SERAC1: variants seen among roughly 807,000 people sequenced by gnomAD.
The protein encoded by SERAC1 is serine active site containing 1.
A neutral mutation model predicts 85.7 loss-of-function variants in SERAC1; 36 were observed. That is an observed-to-expected ratio of 0.42 (90% CI 0.32 to 0.55). The LOEUF (loss-of-function observed/expected upper bound fraction) is 0.55. Ranked by LOEUF, SERAC1 falls within the 20% of genes least tolerant of loss-of-function variation. SERAC1 has a pLI of 0.11. For synonymous variants in SERAC1, 242 were observed against 265.3 expected, an observed-to-expected ratio of 0.91 and a Z score of 0.85; for missense variants, 629 against 796.2, an observed-to-expected ratio of 0.79 and a Z score of 2.53.
At chr6:158,142,481 CTT>C (rs797011235) in intron 8 of SERAC1, among the ~76,000 whole-genome samples, 12 of 139,234 alleles carry the variant, frequency 8.6e-5, no homozygotes, top group Non-Finnish European at 6.3e-5. Flanking sequence ...CCTATTCATT[CTT>C]TTTTTTTTTT....
intron 14 of SERAC1, 137 bp from the exon 15 acceptor site, chr6:158,115,108 C>A: frequency 1.1e-6 from 1 of 882,654 alleles, no homozygotes; most frequent in East Asian, 2.5e-5. Flanking sequence ...AAACAATTCT[C>A]TGTACAGTAG....
intron 3 of SERAC1, among the ~76,000 whole-genome samples, chr6:158,153,335 C>A (rs1785250457): frequency 6.6e-6 from 1 of 152,180 alleles, no homozygotes; most frequent in Non-Finnish European, 1.5e-5. Flanking sequence ...CATGGATATA[C>A]TACAACTTAC....
Position 158,117,572 on chromosome 6 carries a change from CCTT to C in SERAC1, c.1403+152_1403+154del. 1.3e-6 allele frequency: 2 copies of C among 1,551,596 alleles called. No homozygotes were observed. The highest frequency in any genetic ancestry group is 2.4e-5 in the East Asian group (1 of 40,966). On this transcript the variant is annotated intron_variant, in intron 13 of 16. Transcript: ENST00000647468. The surrounding 1 kb of genome is among the most constrained non-coding windows in gnomAD (Gnocchi z 4.3). ...TTCCACTGCTTATTGACAGCAAACT[CCTT>C]CTAGAAGGAAGACAAAAAAGATTAG...
chr6:158,158,122 T>C, intron 2 of SERAC1, 151 bp downstream of exon 2: 2 of 509,308 alleles, frequency 3.9e-6, no homozygotes, highest in Non-Finnish European at 7.0e-6. Context: ...TCTGGGCCTA[T>C]AAATTTGGGG....
rs1236118627 is a variant in SERAC1, at chr6:158,110,709, T to C, written c.*657A>G. ...CCTTATCTAGGACAAATTCCAAGCA[T>C]AGGCAGCTACAGTCTGAAAAGAATT... is the stretch of plus-strand genomic sequence containing the variant. On this transcript the variant is annotated 3_prime_UTR_variant, in exon 17 of 17. Transcript: ENST00000647468. The C allele has an allele frequency of 6.6e-6, 1 of 152,220 alleles. No individual in the cohort carries two copies. Among genetic ancestry groups the C allele is most frequent in the East Asian group, 1.9e-4 (1 of 5,202 alleles). The allele number at this position is 152,220 out of a possible 1,614,324, so 9.4% of individuals were successfully genotyped here. A position where few individuals can be genotyped will look rare whatever the true frequency, so the allele number is the denominator to read the frequency against.
chr6:158,145,796 T>A (rs920731557), intron 6 of SERAC1: 1 of 152,172 alleles, frequency 6.6e-6, no homozygotes, highest in African/African-American at 2.4e-5. Context: ...GTGCTGGGAT[T>A]ACAGGTGTGA....
At position 158,119,460 on chromosome 6, in the gene SERAC1, T is replaced by C. The variant is rs116554678; in HGVS notation, c.1167-290A>G. Reference sequence around the variant, plus strand: ...GCAATCAATCAACTGACAGATGTCATAGATTACCCTCTAAAGACTTCCATT... The same window carrying C: ...GCAATCAATCAACTGACAGATGTCACAGATTACCCTCTAAAGACTTCCATT... On this transcript the variant is annotated intron_variant, in intron 11 of 16. Coordinates refer to ENST00000647468, the MANE Select transcript of SERAC1 (RefSeq NM_032861.4). The surrounding 1 kb of genome is among the most constrained non-coding windows in gnomAD (Gnocchi z 4.5). Among the ~76,000 whole-genome samples the C allele has an allele frequency of 3.9e-3, 596 of 152,328 alleles. 7 individuals carry two copies. Among genetic ancestry groups the C allele is most frequent in the African/African-American group, 0.014 (571 of 41,576 alleles).
At position 158,119,669 on chromosome 6, in the gene SERAC1, AGTAT is replaced by A. The variant is rs1784375465; in HGVS notation, c.1167-503_1167-500del. ...ATATGACGCATTAAAAACTGTAGATAGTATGTTAGTTGCAAGCTATTTACAGTAC... is the reference window on the plus strand; with the variant it reads ...ATATGACGCATTAAAAACTGTAGATAGTTAGTTGCAAGCTATTTACAGTAC... On this transcript the variant is annotated intron_variant, in intron 11 of 16. Coordinates refer to ENST00000647468, the MANE Select transcript of SERAC1 (RefSeq NM_032861.4). The surrounding 1 kb of genome is among the most constrained non-coding windows in gnomAD (Gnocchi z 4.5). Among the ~76,000 whole-genome samples the A allele has an allele frequency of 6.6e-6, 1 of 152,246 alleles. No individual in the cohort carries two copies. The highest frequency in any genetic ancestry group is 2.4e-5 in the African/African-American group (1 of 41,470).
chr6:158,143,271 C>A, intron 7 of SERAC1, 87 bp from the exon 8 acceptor site: 5 of 1,415,832 alleles, frequency 3.5e-6, no homozygotes, highest in East Asian at 2.6e-5. Context: ...CCAATATTTG[C>A]CATATATATC....
intron 16 of SERAC1, chr6:158,113,232 TAA>T (rs1353942111): frequency 4.1e-6 from 2 of 492,284 alleles, no homozygotes; most frequent in African/African-American, 3.9e-5. Flanking sequence ...CCTTCTCATC[TAA>T]TCAGTTACAT....
chr6:158,167,486 C>T (rs1304602370), intron 1 of SERAC1, among the ~76,000 whole-genome samples: 1 of 146,520 alleles, frequency 6.8e-6, no homozygotes, highest in Non-Finnish European at 1.5e-5. Flanking sequence ...TGCAGTGAGC[C>T]CAGATCGCGC....
rs781658698 is a variant in SERAC1 at position 158,146,882 on chromosome 6, A to G, written c.387T>C (p.His129=). The change falls in exon 6 of 17, where the codon CAT becomes CAC. Residue 129 remains histidine, a synonymous_variant. Coordinates refer to ENST00000647468, the MANE Select transcript of SERAC1 (RefSeq NM_032861.4). ...DPFSTVDIED[H]ECAVWLLLRK... is the part of the protein sequence containing the mutation. ...GTAGGAGCAGCCACACAGCACACTC[A>G]TGATCTTCTATATCAACTGTACTAA... is the stretch of plus-strand genomic sequence containing the variant. 8 of 1,613,820 alleles carry G rather than the reference A, an allele frequency of 5.0e-6. No homozygotes were observed. In the Admixed American group the frequency reaches 1.2e-4, roughly 24 times the overall value.
Position 158,119,019 on chromosome 6 carries a change from G to A in SERAC1, c.1308+10C>T. ...CCAGCAACCAGGGCCAGAGTCAGTG[G>A]CTCCCTTACCTTGGGCCAGCACGTC... On this transcript the variant is annotated intron_variant, in intron 12 of 16. Coordinates refer to ENST00000647468, the MANE Select transcript of SERAC1 (RefSeq NM_032861.4). The surrounding 1 kb of genome is among the most constrained non-coding windows in gnomAD (Gnocchi z 4.5). The A allele has an allele frequency of 1.2e-6, 2 of 1,608,516 alleles. No individual in the cohort carries two copies. Among genetic ancestry groups the A allele is most frequent in the Non-Finnish European group, 1.7e-6 (2 of 1,176,694 alleles).
intron 8 of SERAC1, among the ~76,000 whole-genome samples, chr6:158,134,940 A>G (rs1177622545): frequency 6.6e-6 from 1 of 152,178 alleles, no homozygotes; most frequent in Non-Finnish European, 1.5e-5. Flanking sequence ...ACATCAGCCA[A>G]TAAGTGTTGA....
At position 158,119,442 on chromosome 6, in the gene SERAC1, ATCAAC is replaced by A; in HGVS notation, c.1167-277_1167-273del. ...TCAATTGTAATGAGCTTAGCAATCA[ATCAAC>A]TGACAGATGTCATAGATTACCCTCT... On this transcript the variant is annotated intron_variant, in intron 11 of 16. Transcript: ENST00000647468. This position sits in a 1 kb window ranked among gnomAD's most constrained non-coding sequence, Gnocchi z 4.5. 6.6e-6 allele frequency among the ~76,000 whole-genome samples: 1 copy of A among 152,260 alleles called. No homozygotes were observed. The highest frequency in any genetic ancestry group is 1.5e-5 in the Non-Finnish European group (1 of 68,042).
At chr6:158,156,982 TA>T (rs1334039409) in intron 2 of SERAC1, among the ~76,000 whole-genome samples, 7 of 90,114 alleles carry the variant, frequency 7.8e-5, no homozygotes, top group African/African-American at 2.7e-4. Flanking sequence ...TTATATATAA[TA>T]AATACATATA....
chr6:158,143,724 C>A (rs1784986163), intron 7 of SERAC1, among the ~76,000 whole-genome samples: 1 of 151,886 alleles, frequency 6.6e-6, no homozygotes, highest in Admixed American at 6.6e-5. Flanking sequence ...AAGCTGCTAA[C>A]ACAGAAGTTT....
chr6:158,152,997 G>A (rs1156828716), intron 3 of SERAC1, among the ~76,000 whole-genome samples: 1 of 152,066 alleles, frequency 6.6e-6, no homozygotes, highest in Non-Finnish European at 1.5e-5. Flanking sequence ...ATAATAAATA[G>A]CTGCATAATC....
intron 2 of SERAC1, among the ~76,000 whole-genome samples, chr6:158,157,996 T>C (rs1785396511): frequency 6.6e-6 from 1 of 152,202 alleles, no homozygotes; most frequent in South Asian, 2.1e-4. Context: ...AAGAGCTTAA[T>C]AAATATCTGC....
Sources: allele counts gnomAD v4.1 joint callset (sites outside exome capture counted in the v4.1 genomes callset), GRCh38; gene constraint gnomAD v4.1.1; non-coding constraint Gnocchi (gnomAD v3.1); transcripts MANE v1.5; gene names NCBI Gene and HGNC (gene_info 2026-07-23, HGNC 2026-07-21).